The following SMCHD1 variants were observed in gnomAD, a reference collection of about 807,000 sequenced individuals.
SMCHD1 encodes structural maintenance of chromosomes flexible hinge domain-containing protein 1.
A neutral mutation model predicts 254.7 loss-of-function variants in SMCHD1; 78 were observed. The ratio of observed to expected loss-of-function variants is 0.31; its 90% confidence interval spans 0.26 to 0.37. SMCHD1 has a LOEUF of 0.37. Among genes scored for constraint, SMCHD1 ranks in the 10% least tolerant of loss-of-function variants. The pLI is 1.00. For synonymous variants in SMCHD1, 766 were observed against 794.9 expected (o/e 0.96, Z 0.61); for missense variants, 1,840 against 2,408.1 (o/e 0.76, Z 4.94).
chr18:2,715,782 A>G (rs370621002), intron 17 of SMCHD1, among the ~76,000 whole-genome samples: 2 of 152,324 alleles, frequency 1.3e-5, no homozygotes, highest in East Asian at 3.9e-4. Flanking sequence ...ACTTGAGCCC[A>G]TGAGACTGCA....
chr18:2,771,729 A>AG (rs1267548271), intron 40 of SMCHD1, 111 bp downstream of exon 40: 3 of 801,694 alleles, frequency 3.7e-6, no homozygotes, highest in African/African-American at 3.6e-5. Flanking sequence ...TAGGGTACAA[A>AG]GACGTGCATT....
intron 47 of SMCHD1, among the ~76,000 whole-genome samples, chr18:2,799,114 T>C (rs1258673305): frequency 1.3e-5 from 2 of 152,196 alleles, no homozygotes; most frequent in Admixed American, 6.5e-5. Flanking sequence ...GAGTCACATA[T>C]ATAATTTTAA....
intron 37 of SMCHD1, among the ~76,000 whole-genome samples, chr18:2,765,291 A>G (rs2075847664): frequency 6.6e-6 from 1 of 152,002 alleles, no homozygotes; most frequent in Admixed American, 6.6e-5. Context: ...ATATATCTGG[A>G]TTTTATTGAC....
At chr18:2,667,400 G>A (rs573422576) in intron 3 of SMCHD1, among the ~76,000 whole-genome samples, 33 of 152,248 alleles carry the variant, frequency 2.2e-4, no homozygotes, top group Admixed American at 7.8e-4. Context: ...GCTAGGTTGC[G>A]TAAGTAAGAA....
chr18:2,749,182 T>C (rs2075524851), intron 30 of SMCHD1, among the ~76,000 whole-genome samples: 2 of 152,188 alleles, frequency 1.3e-5, no homozygotes, highest in Admixed American at 1.3e-4. Flanking sequence ...CAGAGGGTAA[T>C]TGGGACAGGT....
chr18:2,680,410 A>G (rs1040929015), intron 5 of SMCHD1, among the ~76,000 whole-genome samples: 1 of 152,086 alleles, frequency 6.6e-6, no homozygotes, highest in African/African-American at 2.4e-5. Context: ...GAAGTTTCTG[A>G]TTAGTTAGCT....
chr18:2,756,808 G>C (rs909737712), intron 34 of SMCHD1, among the ~76,000 whole-genome samples: 3 of 152,086 alleles, frequency 2.0e-5, no homozygotes, highest in African/African-American at 7.2e-5. Flanking sequence ...TAAATAGGCT[G>C]TCAGACTATT....
intron 19 of SMCHD1, among the ~76,000 whole-genome samples, chr18:2,720,825 C>T (rs903332019): frequency 1.3e-5 from 2 of 152,142 alleles, no homozygotes; most frequent in African/African-American, 4.8e-5. Flanking sequence ...CTATGTTACC[C>T]ATGCTGGCCT....
chr18:2,756,980 C>G (rs1192210754), intron 34 of SMCHD1, among the ~76,000 whole-genome samples: 1 of 151,998 alleles, frequency 6.6e-6, no homozygotes, highest in Non-Finnish European at 1.5e-5. Flanking sequence ...AAACTTTGGG[C>G]TTTTAAAATA....
At chr18:2,729,495 T>A in intron 24 of SMCHD1, 86 bp downstream of exon 24, 1 of 1,011,856 alleles carries the variant, frequency 9.9e-7, no homozygotes, top group Non-Finnish European at 1.3e-6. Flanking sequence ...TTTGCAAAAT[T>A]GTTAACTTCT....
At position 2,705,677 on chromosome 18, in the gene SMCHD1, T is replaced by TTTA; in HGVS notation, c.1843-17_1843-16insTTA. The TTTA allele has an allele frequency of 1.6e-6, 2 of 1,225,922 alleles. No individual in the cohort carries two copies. Among genetic ancestry groups the TTTA allele is most frequent in the South Asian group, 1.6e-5 (1 of 64,514 alleles). 75.9% of individuals were successfully genotyped at this position (1,225,922 alleles called of 1,614,324 possible). On this transcript the variant is annotated splice_polypyrimidine_tract_variant and intron_variant, in intron 13 of 47. Coordinates refer to ENST00000320876, the MANE Select transcript of SMCHD1 (RefSeq NM_015295.3). ...TTAATACTGAAGCTTTTTTTTTTTT[T>TTTA]AAAAACTAAATATTAGGTCAAGACA...
In SMCHD1 at chr18:2,673,204, A is replaced by G. The variant is rs73936775; in HGVS notation, c.425-77A>G. On this transcript the variant is annotated intron_variant, in intron 3 of 47. Coordinates refer to ENST00000320876, the MANE Select transcript of SMCHD1 (RefSeq NM_015295.3). ...GCTCTTTGGCTTTAAGGTACTTGATAGTTTCTTCTTCTTTGAACTTTTATA... is the reference window on the plus strand; with the variant it reads ...GCTCTTTGGCTTTAAGGTACTTGATGGTTTCTTCTTCTTTGAACTTTTATA... The G allele has an allele frequency of 6.1e-3, 8,891 of 1,463,580 alleles. 447 individuals carry two copies. The African/African-American group carries it at 0.11, about 17-fold the overall frequency. The allele number at this position is 1,463,580 out of a possible 1,614,324, so 90.7% of individuals were successfully genotyped here. A position where few individuals can be genotyped will look rare whatever the true frequency, so the allele number is the denominator to read the frequency against.
chr18:2,697,865 T>C lies in SMCHD1; in HGVS notation c.1166T>C (p.Ile389Thr). ...TTTGAAAAAGGGAAGGTACCTAAGA[T>C]TGTCAACCTAAGGGAAATACAAGAC... ...SMFEKGKVPKIVNLREIQDDM... is the reference protein window; with the variant it reads ...SMFEKGKVPKTVNLREIQDDM... Residue 389 changes from isoleucine (I) to threonine (T), a missense_variant, in exon 10 of 48, where the codon ATT becomes ACT. By Grantham distance (89) the Ile-to-Thr change is moderately conservative. Around this residue, in one of 9 missense-constraint regions of SMCHD1, gnomAD observed 498 missense variants for 743.5 expected, o/e 0.67. Transcript: ENST00000320876. The C allele has an allele frequency of 6.2e-7, 1 of 1,613,306 alleles. No homozygotes were observed.
At chr18:2,726,412 T>G (rs780536958) in intron 21 of SMCHD1, 40 bp from the exon 22 acceptor site, 1 of 1,142,554 alleles carries the variant, frequency 8.8e-7, no homozygotes, top group South Asian at 1.5e-5. Context: ...TAAGTATGTA[T>G]TCAGGACTGG....
chr18:2,693,670 T>C (rs1381389400), intron 7 of SMCHD1, among the ~76,000 whole-genome samples: 1 of 152,210 alleles, frequency 6.6e-6, no homozygotes, highest in African/African-American at 2.4e-5. Flanking sequence ...ACATGCTTGT[T>C]GCCCAGGCTG....
At chr18:2,734,945 C>T (rs663411) in intron 25 of SMCHD1, among the ~76,000 whole-genome samples, 3 of 151,440 alleles carry the variant, frequency 2.0e-5, no homozygotes, top group Admixed American at 6.6e-5. Flanking sequence ...GTGGCGGGCA[C>T]CTGTGATCCC....
In SMCHD1 at chr18:2,655,957, G is replaced by C; in HGVS notation, c.-119G>C. The C allele has an allele frequency of 1.4e-6, 1 of 740,224 alleles. No homozygotes were observed. Among genetic ancestry groups the C allele is most frequent in the East Asian group, 3.5e-5 (1 of 28,826 alleles). 45.9% of individuals were successfully genotyped at this position (740,224 alleles called of 1,614,324 possible). On this transcript the variant is annotated 5_prime_UTR_variant, in exon 1 of 48. Transcript: ENST00000320876. The stretch of plus-strand genomic sequence containing the variant: ...CGCCGCTGACGAGGAGCTGCAGCGC[G>C]CCGGGCCGAGGCCTCGAGCCGCCCC...
intron 34 of SMCHD1, among the ~76,000 whole-genome samples, chr18:2,758,707 T>C (rs2075727293): frequency 6.6e-6 from 1 of 152,186 alleles, no homozygotes; most frequent in South Asian, 2.1e-4. Flanking sequence ...TTAACCACCA[T>C]CCTTCACTAT....
intron 34 of SMCHD1, among the ~76,000 whole-genome samples, chr18:2,757,788 G>A (rs2075709119): frequency 6.6e-6 from 1 of 151,870 alleles, no homozygotes; most frequent in South Asian, 2.1e-4. Context: ...CTCCAAGTAT[G>A]AACGAAGATT....
Sources: gnomAD v4.1 joint callset for allele counts (sites outside exome capture counted in the v4.1 genomes callset) on GRCh38, gnomAD v4.1.1 for gene constraint, gnomAD v4.1.1 regional missense constraint, MANE v1.5 for transcripts, NCBI Gene and HGNC (gene_info 2026-07-23, HGNC 2026-07-21) for gene names.